Variants in RHBDF1 observed in about 807,000 individuals in gnomAD.
RHBDF1 encodes the protein rhomboid 5 homolog 1, also known as inactive rhomboid protein 1.
Under a neutral mutation model 98.6 loss-of-function variants are expected in RHBDF1, and 80 were observed. The ratio of observed to expected loss-of-function variants is 0.81; its 90% CI spans 0.68 to 0.98. The LOEUF is 0.98. Ranked by LOEUF, RHBDF1 falls within the 50% of genes least tolerant of loss-of-function variation. RHBDF1 has a pLI of 0.00. For missense variants in RHBDF1, 1,116 were observed against 1,198.3 expected (o/e 0.93, Z 1.01); for synonymous variants, 512 against 486.8 (o/e 1.05, Z -0.68).
chr16:62,041 C>T lies in RHBDF1; in HGVS notation c.965G>A (p.Arg322Gln). ...GCCCTCCTTCTGCTTCCGCCAGCCT[C>T]GCTCCAAGGGCCTGGAGGGAGCCGG... ...ERSHLMLPLE[R>Q]GWRKQKEGAA... The change falls in exon 8 of 18, where the codon CGA becomes CAA. Residue 322 changes from arginine (R) to glutamine (Q), a missense_variant. Physicochemically the swap from Arg to Gln is conservative, Grantham distance 43. Coordinates refer to ENST00000262316, the MANE Select transcript of RHBDF1 (RefSeq NM_022450.5). 6.7e-7 allele frequency: 1 copy of T among 1,496,660 alleles called. No individual in the cohort carries two copies. The highest frequency in any genetic ancestry group is 1.4e-5 in the African/African-American group (1 of 72,450). The allele number at this position is 1,496,660 out of a possible 1,614,324, so 92.7% of individuals were successfully genotyped here.
intron 3 of RHBDF1, chr16:64,451 A>G (rs1448516596): frequency 1.3e-5 from 19 of 1,481,782 alleles, no homozygotes; most frequent in Non-Finnish European, 1.7e-5. Flanking sequence ...CTAAGAGGCA[A>G]GAGCATCCGG....
intron 1 of RHBDF1, among the ~76,000 whole-genome samples, chr16:72,144 C>G (rs1265939632): frequency 2.0e-5 from 3 of 152,316 alleles, no homozygotes; most frequent in African/African-American, 7.2e-5. Context: ...ACCTGGGGCA[C>G]CCCCGGACTC....
In RHBDF1 at chr16:58,971, T is replaced by C; in HGVS notation, c.2148+3A>G. The C allele has an allele frequency of 6.2e-7, 1 of 1,613,042 alleles. No homozygotes were observed. Among genetic ancestry groups the C allele is most frequent in the Non-Finnish European group, 8.5e-7 (1 of 1,179,940 alleles). On this transcript the variant is annotated splice_donor_region_variant and intron_variant, in intron 17 of 17. Coordinates refer to ENST00000262316, the MANE Select transcript of RHBDF1 (RefSeq NM_022450.5). ...GGATCCCCACCCTGAGGGCCAGCCT[T>C]ACCTCTGCTCGGTATGGCAGGAAGA...
intron 1 of RHBDF1, among the ~76,000 whole-genome samples, chr16:68,497 C>T (rs545234149): frequency 7.2e-4 from 110 of 152,320 alleles, no homozygotes; most frequent in Non-Finnish European, 1.5e-3. Flanking sequence ...GTGTCTCCCC[C>T]ACCCCGCTGA....
intron 11 of RHBDF1, 172 bp downstream of exon 11, chr16:60,948 G>C: frequency 2.9e-6 from 2 of 679,890 alleles, no homozygotes; most frequent in Non-Finnish European, 4.8e-6. Context: ...GCGAGGAGCT[G>C]GAGATGGGGG....
chr16:64,826 G>T lies in RHBDF1; in HGVS notation c.121C>A (p.Leu41Met), dbSNP rs149654816. The change falls in exon 3 of 18, where the codon CTG becomes ATG. Residue 41 changes from leucine (L) to methionine (M), a missense_variant. Transcript: ENST00000262316. ...TAEEPSFLQP[L>M]RRQAFLRSVS... ...CTCCTCAGGAAAGCCTGTCGCCTCA[G>T]GGGCTGGGCAACAGGGTCATGGTGA... is the stretch of plus-strand genomic sequence containing the variant. 1 of 1,614,118 alleles carries T rather than the reference G, an allele frequency of 6.2e-7. No homozygotes were observed. The highest frequency in any genetic ancestry group is 1.3e-5 in the African/African-American group (1 of 75,048).
chr16:72,453 G>GA, intron 1 of RHBDF1, 60 bp downstream of exon 1: 7 of 664,912 alleles, frequency 1.1e-5, no homozygotes, highest in Non-Finnish European at 1.3e-5. Flanking sequence ...CCGCCCTCCG[G>GA]ACGCAGCCCC....
In RHBDF1 at chr16:58,989, C is replaced by T; in HGVS notation, c.2133G>A (p.Leu711=). ...CCAGCCTTACCTCTGCTCGGTATGG[C>T]AGGAAGATGGCACTGGCCAGGTTGC... The part of the protein sequence containing the change: ...VTGNLASAIF[L]PYRAEVGPAG... Residue 711 remains leucine, a synonymous_variant, in exon 17 of 18, where the codon CTG becomes CTA. Transcript: ENST00000262316. The T allele has an allele frequency of 6.2e-7, 1 of 1,613,090 alleles. No individual in the cohort carries two copies. Among genetic ancestry groups the T allele is most frequent in the South Asian group, 1.1e-5 (1 of 91,074 alleles).
Position 64,788 on chromosome 16 carries a change from T to C in RHBDF1, c.159A>G (p.Pro53=), listed in dbSNP as rs1202319330. The part of the protein sequence containing the change: ...RQAFLRSVSM[P]AETAHISSPH... Reference sequence around the variant, plus strand: ...GTGAAGAGATGTGGGCTGTCTCGGCTGGCATACTCACACTCCTCAGGAAAG... The same window carrying C: ...GTGAAGAGATGTGGGCTGTCTCGGCCGGCATACTCACACTCCTCAGGAAAG... The change falls in exon 3 of 18, where the codon CCA becomes CCG. Residue 53 remains proline, a synonymous_variant. Transcript: ENST00000262316. The C allele has an allele frequency of 6.2e-7, 1 of 1,614,054 alleles. No homozygotes were observed.
At chr16:60,096 C>T in intron 13 of RHBDF1, 120 bp downstream of exon 13, 2 of 1,556,406 alleles carry the variant, frequency 1.3e-6, no homozygotes, top group Non-Finnish European at 1.7e-6. Context: ...AGGTGCACAG[C>T]CTCTGAAAAC....
Position 58,468 on chromosome 16 carries a change from G to A in RHBDF1, c.2440C>T (p.Leu814Phe), listed in dbSNP as rs1228559438. Residue 814 changes from leucine (L) to phenylalanine (F), a missense_variant, in exon 18 of 18, where the codon CTC becomes TTC. Physicochemically the swap from Leu to Phe is conservative, Grantham distance 22 (BLOSUM62 0). Coordinates refer to ENST00000262316, the MANE Select transcript of RHBDF1 (RefSeq NM_022450.5). ...AAGAGGACCACCAGGCCAGCCAGGA[G>A]GCCCAGGAAGACCACCTGAAAGATG... ...IIIFQVVFLG[L>F]LAGLVVLFYV... 1.9e-6 allele frequency: 3 copies of A among 1,614,106 alleles called. No homozygotes were observed. In the East Asian group the frequency reaches 6.7e-5, roughly 36 times the overall value.
At chr16:64,388 G>C in intron 3 of RHBDF1, 1 of 1,377,490 alleles carries the variant, frequency 7.3e-7, no homozygotes, top group African/African-American at 1.5e-5. Context: ...CGGGCAGCCC[G>C]GGGACCCAAG....
intron 11 of RHBDF1, 88 bp from the exon 12 acceptor site, chr16:60,627 G>A (rs1307981103): frequency 1.1e-5 from 10 of 909,614 alleles, no homozygotes; most frequent in Non-Finnish European, 1.7e-5. Context: ...CAAAACCACT[G>A]AGCTCTTCCC....
At position 59,368 on chromosome 16, in the gene RHBDF1, C is replaced by A; in HGVS notation, c.1894-19G>T. ...AGTGCACCTGCGCAGAGCAGCATAT[C>A]AGCATCACAGTAGCTGGGGGAGGGG... On this transcript the variant is annotated intron_variant, in intron 15 of 17. Coordinates refer to ENST00000262316, the MANE Select transcript of RHBDF1 (RefSeq NM_022450.5). The A allele has an allele frequency of 1.2e-6, 2 of 1,611,972 alleles. No individual in the cohort carries two copies. Among genetic ancestry groups the A allele is most frequent in the African/African-American group, 1.3e-5 (1 of 75,018 alleles).
At chr16:68,236 C>T (rs968638511) in intron 1 of RHBDF1, among the ~76,000 whole-genome samples, 2 of 152,222 alleles carry the variant, frequency 1.3e-5, no homozygotes, top group African/African-American at 4.8e-5. Flanking sequence ...ATAGGTCCTG[C>T]GGGTGGGCAG....
chr16:68,396 C>A (rs1478021771), intron 1 of RHBDF1, among the ~76,000 whole-genome samples: 1 of 152,198 alleles, frequency 6.6e-6, no homozygotes. Context: ...CGGCACATTG[C>A]CCTCCCAGAG....
rs753678236 is a variant in RHBDF1, at chr16:58,637, G to A, written c.2271C>T (p.Phe757=). 15 of 1,613,408 alleles carry A rather than the reference G, an allele frequency of 9.3e-6. No homozygotes were observed. Among genetic ancestry groups the A allele is most frequent in the Admixed American group, 1.7e-5 (1 of 60,008 alleles). Residue 757 remains phenylalanine (F), a synonymous_variant, in exon 18 of 18, where the codon TTC becomes TTT. Transcript: ENST00000262316. ...ACGGCAGCAGCCCAAAGGTGAAGAG[G>A]AAGAGCACCACAGCCAGCAGCTTGA... is the stretch of plus-strand genomic sequence containing the variant. ...AFFKLLAVVL[F]LFTFGLLPWI... is the part of the protein sequence containing the mutation.
chr16:63,250 G>T, intron 4 of RHBDF1, 68 bp from the exon 5 acceptor site: 2 of 1,337,610 alleles, frequency 1.5e-6, no homozygotes, highest in Non-Finnish European at 2.0e-6. Context: ...AGGCACAGAG[G>T]CCTTGCAAAG....
intron 10 of RHBDF1, 37 bp downstream of exon 10, chr16:61,348 C>A: frequency 6.5e-7 from 1 of 1,546,110 alleles, no homozygotes; most frequent in Non-Finnish European, 8.7e-7. Context: ...CCTCCAGGTC[C>A]CGCCCCCGCC....
Sources: allele counts gnomAD v4.1 joint callset (sites outside exome capture counted in the v4.1 genomes callset), GRCh38; gene constraint gnomAD v4.1.1; transcripts MANE v1.5; gene names NCBI Gene and HGNC (gene_info 2026-07-23, HGNC 2026-07-21).